ARRDC2: variants seen among roughly 807,000 people sequenced by gnomAD.
ARRDC2 encodes the protein arrestin domain containing 2, also known as arrestin domain-containing protein 2.
In ARRDC2, 39 loss-of-function variants were observed where a neutral mutation model predicts 38.9. The observed-to-expected ratio is 1.00, with a 90% CI of 0.78 to 1.31. The LOEUF is 1.31. Among genes scored for constraint, ARRDC2 ranks in the 50% most tolerant of loss-of-function variants. The probability of loss-of-function intolerance (pLI) is 0.00; values close to 1 mark genes in which losing one functional copy is unlikely to be tolerated. For missense variants in ARRDC2, 553 were observed against 588.4 expected, an observed-to-expected ratio of 0.94 and a Z score of 0.62; for synonymous variants, 300 against 261.9, an observed-to-expected ratio of 1.15 and a Z score of -1.41.
At position 18,009,704 on chromosome 19, in the gene ARRDC2, G is replaced by A. The variant is rs370690373; in HGVS notation, c.592+10G>A. 91 of 1,611,532 alleles carry A rather than the reference G, an allele frequency of 5.6e-5. No homozygotes were observed. Among genetic ancestry groups the A allele is most frequent in the East Asian group, 6.7e-5 (3 of 44,820 alleles). On this transcript the variant is annotated intron_variant, in intron 4 of 7. Coordinates refer to ENST00000222250, the MANE Select transcript of ARRDC2 (RefSeq NM_015683.2). ...AAGGGCTACACCCCAGGTAGCAGGC[G>A]GACCGGACTGGGTTGGGACGGGGGC...
chr19:18,008,654 T>C, intron 1 of ARRDC2, 57 bp from the exon 2 acceptor site: 1 of 1,605,668 alleles, frequency 6.2e-7, no homozygotes, highest in South Asian at 1.1e-5. Context: ...GGTACCTCCG[T>C]CAGCCCTGGG....
At chr19:18,011,289 G>A (rs1293931783) in intron 7 of ARRDC2, among the ~76,000 whole-genome samples, 3 of 151,992 alleles carry the variant, frequency 2.0e-5, no homozygotes, top group Non-Finnish European at 2.9e-5. Flanking sequence ...GAGCTACCAC[G>A]CCCGGCCAAT....
upstream of ARRDC2, chr19:18,007,552 A>T (rs1329994528): frequency 1.3e-5 from 2 of 152,500 alleles, no homozygotes; most frequent in Non-Finnish European, 2.9e-5. Context: ...CAACCTTCTG[A>T]GGTCAGGACT....
upstream of ARRDC2, among the ~76,000 whole-genome samples, chr19:18,003,919 A>G (rs568958388): frequency 3.7e-3 from 556 of 151,870 alleles, 1 homozygote; most frequent in Middle Eastern, 6.8e-3. Flanking sequence ...GATTACAGGC[A>G]TGAGCCACAG....
At position 18,008,767 on chromosome 19, in the gene ARRDC2, C is replaced by T. The variant is rs772854331; in HGVS notation, c.331C>T (p.Gln111Ter). The change falls in exon 2 of 8, where the codon CAG becomes TAG. Residue 111 changes from glutamine (Q) to a stop codon, truncating the protein, a stop_gained. Transcript: ENST00000222250. LOFTEE classifies it high-confidence loss of function. ...GCGCCATGAGTTCCTGTTCAGCTTCCAGCTGCCCCCGTAAGTCCTCTGGGG... is the reference window on the plus strand; with the variant it reads ...GCGCCATGAGTTCCTGTTCAGCTTCTAGCTGCCCCCGTAAGTCCTCTGGGG... ...PGRHEFLFSF[Q>*]LPPTLVTSFE... 5 of 1,613,416 alleles carry T rather than the reference C, an allele frequency of 3.1e-6. No homozygotes were observed. Among genetic ancestry groups the T allele is most frequent in the African/African-American group, 1.3e-5 (1 of 74,910 alleles).
rs534596873 is a variant in ARRDC2 at position 18,008,176 on chromosome 19, C to G, written c.-135C>G. The G allele has an allele frequency of 4.6e-4, 551 of 1,187,848 alleles. 2 individuals are homozygous for G. The South Asian group carries it at 7.2e-3, about 16-fold the overall frequency. The allele number at this position is 1,187,848 out of a possible 1,614,324, so 73.6% of individuals were successfully genotyped here. A position where few individuals can be genotyped will look rare whatever the true frequency, so the allele number is the denominator to read the frequency against. On this transcript the variant is annotated 5_prime_UTR_variant, in exon 1 of 8. Coordinates refer to ENST00000222250, the MANE Select transcript of ARRDC2 (RefSeq NM_015683.2). Reference sequence around the variant, plus strand: ...CGCCGACGCACGGCGCGGGGATTTTCTGCTCCGGTTGGTGAGCGCGCCTGC... The same window carrying G: ...CGCCGACGCACGGCGCGGGGATTTTGTGCTCCGGTTGGTGAGCGCGCCTGC...
chr19:18,008,791 G>C lies in ARRDC2; in HGVS notation c.341+14G>C, dbSNP rs2033339477. ...CCAGCTGCCCCCGTAAGTCCTCTGGGGTGCAGGGTTGCCCTAAGCCTGCAG... is the reference window on the plus strand; with the variant it reads ...CCAGCTGCCCCCGTAAGTCCTCTGGCGTGCAGGGTTGCCCTAAGCCTGCAG... On this transcript the variant is annotated intron_variant, in intron 2 of 7. Transcript: ENST00000222250. The C allele has an allele frequency of 6.2e-7, 1 of 1,612,974 alleles. No individual in the cohort carries two copies.
chr19:18,001,705 TC>T, intron 1 of ARRDC2: 1 of 1,085,960 alleles, frequency 9.2e-7, no homozygotes, highest in Non-Finnish European at 1.2e-6. Context: ...GAAACCCCCT[TC>T]CCGGGGTCCT....
At chr19:18,008,120 C>CCCCCCCCCCCCCCCCCCCCGATAAA, upstream of ARRDC2, 1 of 572,700 alleles carries the variant, frequency 1.7e-6, no homozygotes, top group Non-Finnish European at 2.6e-6. Flanking sequence ...ACGGTGACCC[C>CCCCCCCCCCCCCCCCCCCCGATAAA]ACCCCCCCCC....
chr19:18,008,938 C>T (rs1312499682), intron 2 of ARRDC2, 33 bp from the exon 3 acceptor site: 1 of 1,611,426 alleles, frequency 6.2e-7, no homozygotes, highest in Non-Finnish European at 8.5e-7. Flanking sequence ...GTCTCTGTAT[C>T]TTGTCCCCTG....
chr19:18,001,369 G>A (rs2145993167), exon 1 of ARRDC2: 2 of 1,202,062 alleles, frequency 1.7e-6, no homozygotes, highest in South Asian at 8.3e-5. Context: ...GGGCCCGGGC[G>A]GCGCCTACCG....
chr19:18,006,338 T>C (rs1261534050), upstream of ARRDC2, among the ~76,000 whole-genome samples: 4 of 152,086 alleles, frequency 2.6e-5, no homozygotes, highest in South Asian at 2.1e-4. Context: ...CTGGGCACCA[T>C]TGAGCACTGA....
In ARRDC2 at chr19:18,008,541, A is replaced by C; in HGVS notation, c.231A>C (p.Glu77Asp). ...CGGCTTACACGCAGAGCTACAGTGA[A>C]CGCGTGGAGGTCGTGAGCCACCGCG... ...SSTAYTQSYS[E>D]RVEVVSHRAT... The change falls in exon 1 of 8, where the codon GAA (glutamate) becomes GAC (aspartate). Residue 77 changes from glutamate to aspartate, a missense_variant. By Grantham distance (45) the Glu-to-Asp change is conservative. Around this residue, in one of 3 missense-constraint regions of ARRDC2, gnomAD observed 447 missense variants for 456.6 expected, o/e 0.98. Coordinates refer to ENST00000222250, the MANE Select transcript of ARRDC2 (RefSeq NM_015683.2). The C allele has an allele frequency of 1.3e-6, 2 of 1,558,786 alleles. No individual in the cohort carries two copies. Among genetic ancestry groups the C allele is most frequent in the Non-Finnish European group, 1.7e-6 (2 of 1,159,780 alleles).
chr19:18,005,017 T>A (rs66508783), upstream of ARRDC2, among the ~76,000 whole-genome samples: 45,851 of 134,518 alleles, frequency 0.34, 8,113 homozygotes, highest in African/African-American at 0.54. Flanking sequence ...TTAAAAAAAA[T>A]TTTTTTTTTT....
At chr19:18,002,531 A>AC (rs1257940774) in intron 1 of ARRDC2, among the ~76,000 whole-genome samples, 1 of 152,116 alleles carries the variant, frequency 6.6e-6, no homozygotes, top group African/African-American at 2.4e-5. Context: ...GCCAGACCTC[A>AC]CTATACCCGT....
At chr19:18,012,574 G>A (rs1053591093) in intron 7 of ARRDC2, among the ~76,000 whole-genome samples, 4 of 152,132 alleles carry the variant, frequency 2.6e-5, no homozygotes, top group Non-Finnish European at 5.9e-5. Context: ...GTGACAAAGC[G>A]AGACTCTGTC....
intron 7 of ARRDC2, among the ~76,000 whole-genome samples, chr19:18,011,854 T>C (rs2033417695): frequency 6.6e-6 from 1 of 150,680 alleles, no homozygotes; most frequent in Non-Finnish European, 1.5e-5. Flanking sequence ...AAACAAGACC[T>C]CATCTCAATA....
chr19:18,006,773 G>A (rs2033288338), upstream of ARRDC2, among the ~76,000 whole-genome samples: 1 of 152,222 alleles, frequency 6.6e-6, no homozygotes, highest in African/African-American at 2.4e-5. Flanking sequence ...TGGGCCTTTG[G>A]GGTCCGTCTG....
rs758687061 is a variant in ARRDC2 at position 18,009,648 on chromosome 19, C to T, written c.546C>T (p.Gly182=). The T allele has an allele frequency of 6.8e-6, 11 of 1,611,070 alleles. No individual in the cohort carries two copies. The highest frequency in any genetic ancestry group is 1.1e-5 in the South Asian group (1 of 91,004). ...CCCGATCCTGGTACTGTAACCGTGG[C>T]CTAGTCTCCCTTTCGGCCAAGATCG... ...KVARSWYCNR[G]LVSLSAKIDR... Residue 182 remains glycine, a synonymous_variant, in exon 4 of 8, where the codon GGC becomes GGT. Transcript: ENST00000222250.
Sources: allele counts gnomAD v4.1 joint callset (sites outside exome capture counted in the v4.1 genomes callset), GRCh38; gene constraint gnomAD v4.1.1; regional missense constraint gnomAD v4.1.1; transcripts MANE v1.5; gene names NCBI Gene and HGNC (gene_info 2026-07-23, HGNC 2026-07-21).